Variants in ARL17B observed in about 807,000 individuals in gnomAD.
ARL17B encodes the protein ADP-ribosylation factor-like protein 17.
chr17:46,289,184 G>A (rs2950666), intron 4 of ARL17B, among the ~76,000 whole-genome samples: 19,444 of 151,288 alleles, frequency 0.13, 1 homozygote, highest in Middle Eastern at 0.19. Flanking sequence ...GACCAAGAGG[G>A]TTTCTTTCTT....
At chr17:46,280,084 A>C (rs77051786) in intron 4 of ARL17B, among the ~76,000 whole-genome samples, 16,848 of 149,426 alleles carry the variant, frequency 0.11, no homozygotes, top group Non-Finnish European at 0.17. Flanking sequence ...AATAAATAAA[A>C]ATGTCTGGCC....
chr17:46,291,827 G>A (rs1223521010), intron 4 of ARL17B, among the ~76,000 whole-genome samples: 2 of 152,028 alleles, frequency 1.3e-5, no homozygotes, highest in Non-Finnish European at 2.9e-5. Flanking sequence ...ATGGTGGCAT[G>A]GCACGCGCCT....
At chr17:46,280,428 C>G (rs1018742291) in intron 4 of ARL17B, among the ~76,000 whole-genome samples, 2 of 152,212 alleles carry the variant, frequency 1.3e-5, no homozygotes, top group African/African-American at 4.8e-5. Context: ...AATCCCAGCA[C>G]TCTGGGAGGC....
intron 4 of ARL17B, among the ~76,000 whole-genome samples, chr17:46,281,628 T>C (rs1264601776): frequency 6.6e-6 from 1 of 152,144 alleles, no homozygotes; most frequent in African/African-American, 2.4e-5. Flanking sequence ...CATGGTCTTG[T>C]TATGTTGGTA....
In ARL17B at chr17:46,314,848, T is replaced by A. The variant is rs1189314188; in HGVS notation, c.260-15183A>T. Reference sequence around the variant, plus strand: ...TTTGGATACCAGGTTAATATCACCCTCATAGAATAAGTTAGGAAATGTTCT... The same window carrying A: ...TTTGGATACCAGGTTAATATCACCCACATAGAATAAGTTAGGAAATGTTCT... On this transcript the variant is annotated intron_variant, in intron 3 of 4. Coordinates refer to the ARL17B transcript ENST00000434041. 2.2e-4 allele frequency among the ~76,000 whole-genome samples: 18 copies of A among 81,978 alleles called. 6 individuals are homozygous for A. The highest frequency in any genetic ancestry group is 5.0e-4 in the African/African-American group (16 of 32,266). 53.8% of individuals were successfully genotyped at this position (81,978 alleles called of 152,430 possible). A position where few individuals can be genotyped will look rare whatever the true frequency, so the allele number is the denominator to read the frequency against.
chr17:46,276,011 C>T (rs2049577144), intron 4 of ARL17B, among the ~76,000 whole-genome samples: 1 of 152,212 alleles, frequency 6.6e-6, no homozygotes, highest in South Asian at 2.1e-4. Context: ...CTGCCTCAGC[C>T]TCCCGAGTAG....
chr17:46,274,373 G>A (rs2469939), downstream of ARL17B, among the ~76,000 whole-genome samples: 18,483 of 152,228 alleles, frequency 0.12, no homozygotes, highest in Non-Finnish European at 0.18. Flanking sequence ...AGTCACCAGA[G>A]TCTGTAGTCC....
chr17:46,314,902 T>C (rs1286275481), intron 3 of ARL17B, among the ~76,000 whole-genome samples: 1 of 79,482 alleles, frequency 1.3e-5, no homozygotes, highest in African/African-American at 3.2e-5. Flanking sequence ...AAAGACTTTA[T>C]GAAGGATTGG....
intron 4 of ARL17B, among the ~76,000 whole-genome samples, chr17:46,289,109 C>T (rs902422471): frequency 2.0e-5 from 3 of 152,292 alleles, no homozygotes; most frequent in Non-Finnish European, 4.4e-5. Context: ...ACTATATTAC[C>T]CTAGGGACAA....
rs1315108946 is a variant in ARL17B, at chr17:46,336,192, CT to C, written c.*3307del. The stretch of plus-strand genomic sequence containing the variant: ...GGAAACAGTATTTTCTCTTTTATTT[CT>C]TTTTTTTTCCCCTGGATCCTAGAAC... On this transcript the variant is annotated 3_prime_UTR_variant, in exon 4 of 4. Transcript: ENST00000450673. Among the ~76,000 whole-genome samples the C allele has an allele frequency of 2.2e-4, 7 of 31,866 alleles. 2 individuals carry two copies. Among genetic ancestry groups the C allele is most frequent in the African/African-American group, 3.4e-4 (7 of 20,762 alleles). 20.9% of individuals were successfully genotyped at this position (31,866 alleles called of 152,430 possible).
At chr17:46,280,101 G>A (rs1204271125) in intron 4 of ARL17B, among the ~76,000 whole-genome samples, 2 of 152,180 alleles carry the variant, frequency 1.3e-5, no homozygotes, top group Non-Finnish European at 1.5e-5. Context: ...GGCCAGGCGC[G>A]GTGGCTCACA....
At chr17:46,343,726 AC>A in intron 3 of ARL17B, among the ~76,000 whole-genome samples, 1 of 100,074 alleles carries the variant, frequency 1.0e-5, no homozygotes, top group Non-Finnish European at 1.9e-5. Context: ...CCCCTTTTCT[AC>A]AAAAAATTTA....
chr17:46,278,317 G>A (rs113986870), intron 4 of ARL17B, among the ~76,000 whole-genome samples: 11,523 of 145,410 alleles, frequency 0.079, no homozygotes, highest in Middle Eastern at 0.13. Context: ...GCAAATGAGA[G>A]CCAAGCTCAC....
At chr17:46,284,787 AC>A (rs1447950164) in intron 4 of ARL17B, among the ~76,000 whole-genome samples, 12 of 152,260 alleles carry the variant, frequency 7.9e-5, no homozygotes, top group African/African-American at 2.9e-4. Context: ...CATTGAGACT[AC>A]GATTCCCTTT....
chr17:46,281,976 G>A (rs1225149217), intron 4 of ARL17B, among the ~76,000 whole-genome samples: 1 of 151,846 alleles, frequency 6.6e-6, no homozygotes, highest in East Asian at 1.9e-4. Context: ...TCTTGTTTTT[G>A]GTCTATAACC....
chr17:46,286,536 T>G (rs2049917911), intron 4 of ARL17B, among the ~76,000 whole-genome samples: 1 of 152,258 alleles, frequency 6.6e-6, no homozygotes, highest in Admixed American at 6.5e-5. Flanking sequence ...CTCATTAATT[T>G]CTATGTTACA....
At chr17:46,275,373 T>A in exon 5 of ARL17B, 2 of 1,005,894 alleles carry the variant, frequency 2.0e-6, no homozygotes, top group Non-Finnish European at 2.9e-6. Flanking sequence ...TAGGTTAACA[T>A]GCTGAACTTT....
Position 46,279,798 on chromosome 17 carries a change from A to G in ARL17B, c.*22-4380T>C, listed in dbSNP as rs2049710404. 2.0e-5 allele frequency among the ~76,000 whole-genome samples: 3 copies of G among 152,308 alleles called. No homozygotes were observed. In the South Asian group the frequency reaches 6.2e-4, roughly 32 times the overall value. On this transcript the variant is annotated intron_variant, in intron 4 of 4. Coordinates refer to the ARL17B transcript ENST00000570618. ...GCATGAACCACCATTCCCAGCCAAC[A>G]GGCCCTCCTACACAACTTTTTGTTT...
intron 4 of ARL17B, among the ~76,000 whole-genome samples, chr17:46,281,508 C>T (rs556793870): frequency 1.3e-5 from 2 of 152,238 alleles, no homozygotes; most frequent in Admixed American, 6.5e-5. Context: ...CAGCTCACTG[C>T]AGCCTTGAAC....
Sources: gnomAD v4.1 joint callset for allele counts (sites outside exome capture counted in the v4.1 genomes callset) on GRCh38, gnomAD v4.1.1 for gene constraint, MANE v1.5 for transcripts, NCBI Gene and HGNC (gene_info 2026-07-23, HGNC 2026-07-21) for gene names.